ASAP1: variants seen among roughly 807,000 people sequenced by gnomAD.
The protein encoded by ASAP1 is arf-GAP with SH3 domain, ANK repeat and PH domain-containing protein 1.
In ASAP1, 43 loss-of-function variants were observed where a neutral mutation model predicts 145.2. The observed-to-expected ratio is 0.30, with a 90% CI of 0.23 to 0.38. The LOEUF (loss-of-function observed/expected upper bound fraction) is 0.38. ASAP1 is among the 10% of genes least tolerant of loss of function. The pLI, the probability that ASAP1 is intolerant of heterozygous loss-of-function variation, is 1.00. For synonymous variants in ASAP1, 546 were observed against 515.5 expected (o/e 1.06, Z -0.80); for missense variants, 1,018 against 1,355.3 (o/e 0.75, Z 3.91).
At chr8:130,246,186 C>G (rs548846045) in intron 3 of ASAP1, among the ~76,000 whole-genome samples, 5 of 152,044 alleles carry the variant, frequency 3.3e-5, no homozygotes, top group South Asian at 2.1e-4. Context: ...CCTTCGCCCC[C>G]CCATGGGAAA....
At chr8:130,242,849 C>G (rs1479809300) in intron 3 of ASAP1, among the ~76,000 whole-genome samples, 1 of 152,074 alleles carries the variant, frequency 6.6e-6, no homozygotes, top group Admixed American at 6.6e-5. Context: ...AAGATATAGG[C>G]AAACCACGCA....
At chr8:130,142,330 G>C (rs2097613959) in intron 13 of ASAP1, among the ~76,000 whole-genome samples, 1 of 152,204 alleles carries the variant, frequency 6.6e-6, no homozygotes, top group South Asian at 2.1e-4. Context: ...GTAAGGGTTA[G>C]AGGTCAATGA....
intron 5 of ASAP1, among the ~76,000 whole-genome samples, chr8:130,198,778 T>G (rs1815681441): frequency 6.6e-6 from 1 of 152,334 alleles, no homozygotes; most frequent in East Asian, 1.9e-4. Flanking sequence ...AAGGCCACTC[T>G]CATTTCCTCT....
At chr8:130,428,285 T>C (rs1319660081) in intron 1 of ASAP1, among the ~76,000 whole-genome samples, 1 of 151,328 alleles carries the variant, frequency 6.6e-6, no homozygotes, top group Non-Finnish European at 1.5e-5. Context: ...TGGAGGCATG[T>C]CTAAAATATA....
rs1203011990 is a variant in ASAP1 at position 130,353,294 on chromosome 8, G to A, written c.186+4723C>T. 5.3e-5 allele frequency among the ~76,000 whole-genome samples: 8 copies of A among 152,090 alleles called. No individual in the cohort carries two copies. In the South Asian group the frequency reaches 6.2e-4, roughly 12 times the overall value. On this transcript the variant is annotated intron_variant, in intron 3 of 29. Transcript: ENST00000518721. ...AATGTGTTGAACAAATGCTGTTCAC[G>A]GATTATACTCAAATGAGTTCCCACA...
At chr8:130,149,011 A>AT (rs397892008) in intron 13 of ASAP1, among the ~76,000 whole-genome samples, 5,584 of 123,912 alleles carry the variant, frequency 0.045, 169 homozygotes, top group Admixed American at 0.1. Context: ...TAATTTTTGC[A>AT]TTTTTTTTTT....
intron 3 of ASAP1, among the ~76,000 whole-genome samples, chr8:130,334,856 A>G (rs1824933737): frequency 6.6e-6 from 1 of 152,218 alleles, no homozygotes; most frequent in Non-Finnish European, 1.5e-5. Context: ...GTGACTAAAA[A>G]TCATCATCCC....
intron 3 of ASAP1, among the ~76,000 whole-genome samples, chr8:130,257,785 C>CA (rs1397570737): frequency 5.5e-5 from 3 of 54,264 alleles, no homozygotes; most frequent in Non-Finnish European, 1.3e-4. Flanking sequence ...GACTCAAGAG[C>CA]ACCCCCCCCC....
At chr8:130,411,908 G>C (rs368709045) in intron 1 of ASAP1, among the ~76,000 whole-genome samples, 2 of 152,120 alleles carry the variant, frequency 1.3e-5, no homozygotes, top group Non-Finnish European at 2.9e-5. Context: ...CAGCACCCCA[G>C]TGTCCCAGCC....
intron 27 of ASAP1, among the ~76,000 whole-genome samples, chr8:130,075,107 T>C (rs1175662924): frequency 6.6e-6 from 1 of 152,100 alleles, no homozygotes; most frequent in Non-Finnish European, 1.5e-5. Context: ...TAGGGTGATA[T>C]GTGAGCGATC....
At chr8:130,214,749 C>T in intron 4 of ASAP1, 48 bp from the exon 5 acceptor site, 1 of 1,477,238 alleles carries the variant, frequency 6.8e-7, no homozygotes, top group South Asian at 1.3e-5. Context: ...TTATTTGCCA[C>T]AATGAAAAGT....
Position 130,216,013 on chromosome 8 carries a change from AGG to A in ASAP1, c.260-1314_260-1313del, listed in dbSNP as rs1166571760. Among the ~76,000 whole-genome samples, 9 of 142,194 alleles carry A rather than the reference AGG, an allele frequency of 6.3e-5. No homozygotes were observed. In the East Asian group the frequency reaches 1.3e-3, roughly 20 times the overall value. The allele number at this position is 142,194 out of a possible 152,430, so 93.3% of individuals were successfully genotyped here. Reference sequence around the variant, plus strand: ...AGGAAAGGAAAGGAAAGGAAAGGAAAGGAAAAAGGAAAGGAAAGGAAAAAGGA... The same window carrying A: ...AGGAAAGGAAAGGAAAGGAAAGGAAAAAAAAGGAAAGGAAAGGAAAAAGGA... On this transcript the variant is annotated intron_variant, in intron 4 of 29. Transcript: ENST00000518721.
At chr8:130,296,083 T>G (rs1270731777) in intron 3 of ASAP1, among the ~76,000 whole-genome samples, 1 of 152,186 alleles carries the variant, frequency 6.6e-6, no homozygotes, top group Non-Finnish European at 1.5e-5. Flanking sequence ...TGGTCACACT[T>G]GTCAGCTGCA....
chr8:130,383,646 G>A (rs748769309), intron 2 of ASAP1, among the ~76,000 whole-genome samples: 2 of 152,206 alleles, frequency 1.3e-5, no homozygotes, highest in Admixed American at 1.3e-4. Flanking sequence ...AGGCCACACA[G>A]CAGGGAGATG....
At chr8:130,435,096 C>T (rs1316071717) in intron 1 of ASAP1, among the ~76,000 whole-genome samples, 1 of 152,176 alleles carries the variant, frequency 6.6e-6, no homozygotes, top group African/African-American at 2.4e-5. Flanking sequence ...CCTACACTTC[C>T]ATACTCATTA....
intron 27 of ASAP1, among the ~76,000 whole-genome samples, chr8:130,064,766 C>G (rs1048754889): frequency 6.6e-5 from 10 of 152,328 alleles, no homozygotes; most frequent in South Asian, 4.1e-4. Context: ...CAAGCCCAGG[C>G]CTCTGGAATT....
At chr8:130,415,178 T>C (rs901325032) in intron 1 of ASAP1, among the ~76,000 whole-genome samples, 3 of 152,236 alleles carry the variant, frequency 2.0e-5, no homozygotes, top group Non-Finnish European at 4.4e-5. Context: ...GACTTCTATA[T>C]GCATTGTCAA....
intron 2 of ASAP1, among the ~76,000 whole-genome samples, chr8:130,390,892 G>C (rs1396654391): frequency 2.0e-4 from 31 of 151,468 alleles, no homozygotes; most frequent in Non-Finnish European, 2.9e-5. Flanking sequence ...AGTAAACATG[G>C]AATTATTGTA....
In ASAP1 at chr8:130,107,497, T is replaced by C. The variant is rs180759327; in HGVS notation, c.2401+4597A>G. On this transcript the variant is annotated intron_variant, in intron 24 of 29. Coordinates refer to ENST00000518721, the MANE Select transcript of ASAP1 (RefSeq NM_018482.4). The stretch of plus-strand genomic sequence containing the variant: ...ACCATGCCCGGCCCATAGTCTCTCT[T>C]TTTTTTTTTTTTTAAAAAATGTATG... Among the ~76,000 whole-genome samples, 590 of 138,896 alleles carry C rather than the reference T, an allele frequency of 4.2e-3. 3 individuals are homozygous for C. The highest frequency in any genetic ancestry group is 7.8e-3 in the Admixed American group (107 of 13,716). The allele number at this position is 138,896 out of a possible 152,430, so 91.1% of individuals were successfully genotyped here.
Sources: allele counts gnomAD v4.1 joint callset (sites outside exome capture counted in the v4.1 genomes callset), GRCh38; gene constraint gnomAD v4.1.1; transcripts MANE v1.5; gene names NCBI Gene and HGNC (gene_info 2026-07-23, HGNC 2026-07-21).